The following MAGI2 variants were observed in gnomAD, a reference collection of about 807,000 sequenced individuals.
MAGI2 encodes membrane associated guanylate kinase, WW and PDZ domain containing 2.
MAGI2 carries 35 observed loss-of-function variants against 133.3 expected under a neutral mutation model. The observed-to-expected ratio is 0.26, with a 90% CI of 0.20 to 0.35. MAGI2 has a LOEUF of 0.35. Ranked by LOEUF, MAGI2 falls within the 10% of genes least tolerant of loss-of-function variation. MAGI2 has a pLI of 1.00. For synonymous variants in MAGI2, 729 were observed against 710.6 expected, an observed-to-expected ratio of 1.03 and a Z score of -0.41; for missense variants, 1,636 against 1,863.4, an observed-to-expected ratio of 0.88 and a Z score of 2.25.
At chr7:78,085,548 TCC>T (rs1554441601) in intron 20 of MAGI2, among the ~76,000 whole-genome samples, 2,303 of 69,174 alleles carry the variant, frequency 0.033, 58 homozygotes, top group African/African-American at 0.1. Context: ...ATAATAAAAC[TCC>T]CACACACACA....
chr7:78,681,859 G>C (rs945824018), intron 2 of MAGI2, among the ~76,000 whole-genome samples: 2 of 152,028 alleles, frequency 1.3e-5, no homozygotes, highest in Non-Finnish European at 2.9e-5. Context: ...AAAAACCTAA[G>C]GCATTAATTT....
At chr7:78,740,395 C>A (rs1394668094) in intron 2 of MAGI2, among the ~76,000 whole-genome samples, 2 of 152,122 alleles carry the variant, frequency 1.3e-5, no homozygotes, top group African/African-American at 4.8e-5. Context: ...ATAGTTTAAT[C>A]TTGTTTGCTA....
chr7:78,156,083 C>G (rs947519281), intron 16 of MAGI2, among the ~76,000 whole-genome samples: 1 of 152,150 alleles, frequency 6.6e-6, no homozygotes, highest in Admixed American at 6.5e-5. Context: ...AAAGACATCC[C>G]CTTGAGTCTG....
Position 78,654,703 on chromosome 7 carries a change from GTATATATATATATATATATATATATATA to G in MAGI2, c.419-27492_419-27465del, listed in dbSNP as rs57776940. ...TATTTGTGTGTACTTTTACATATAT[GTATATATATATATATATATATATATATA>G]TATATATATATATATATAGCATATA... On this transcript the variant is annotated intron_variant, in intron 2 of 21. Transcript: ENST00000354212. 4.9e-4 allele frequency among the ~76,000 whole-genome samples: 58 copies of G among 118,450 alleles called. 1 individual carries two copies. Among genetic ancestry groups the G allele is most frequent in the South Asian group, 2.0e-3 (7 of 3,532 alleles). 77.7% of individuals were successfully genotyped at this position (118,450 alleles called of 152,430 possible).
At chr7:78,559,583 T>A (rs1225002663) in intron 3 of MAGI2, among the ~76,000 whole-genome samples, 1 of 152,008 alleles carries the variant, frequency 6.6e-6, no homozygotes, top group Non-Finnish European at 1.5e-5. Flanking sequence ...TGCTCGTGAG[T>A]ATTAAGCTTA....
chr7:79,345,812 T>G (rs1841271293), intron 1 of MAGI2, among the ~76,000 whole-genome samples: 1 of 152,110 alleles, frequency 6.6e-6, no homozygotes, highest in Admixed American at 6.6e-5. Flanking sequence ...ATCTTAAGTG[T>G]ATGCCTGAGT....
intron 6 of MAGI2, among the ~76,000 whole-genome samples, chr7:78,416,407 T>C (rs1274170995): frequency 2.0e-5 from 2 of 99,770 alleles, no homozygotes; most frequent in African/African-American, 4.2e-5. Flanking sequence ...AAAATAAATA[T>C]TGAAACTTAA....
intron 9 of MAGI2, among the ~76,000 whole-genome samples, chr7:78,338,426 G>A (rs2691513): frequency 1.3e-5 from 2 of 151,904 alleles, no homozygotes; most frequent in African/African-American, 4.8e-5. Flanking sequence ...CCAGCAGAAC[G>A]GATTCCCCCT....
At chr7:79,358,572 G>C (rs1024717288) in intron 1 of MAGI2, among the ~76,000 whole-genome samples, 1 of 152,098 alleles carries the variant, frequency 6.6e-6, no homozygotes, top group African/African-American at 2.4e-5. Context: ...CACAGAAAAT[G>C]ACCCAGTCTA....
chr7:79,450,915 A>T (rs1351075661), intron 1 of MAGI2, among the ~76,000 whole-genome samples: 1 of 152,118 alleles, frequency 6.6e-6, no homozygotes, highest in East Asian at 1.9e-4. Context: ...ATCCTTTCAA[A>T]TTTCTCATAG....
intron 10 of MAGI2, among the ~76,000 whole-genome samples, chr7:78,217,457 A>G (rs1363348665): frequency 2.6e-5 from 4 of 152,140 alleles, no homozygotes; most frequent in Admixed American, 6.5e-5. Flanking sequence ...CCAATACTCA[A>G]TTTTTATTTC....
chr7:79,122,843 C>A (rs1415876344), intron 1 of MAGI2, among the ~76,000 whole-genome samples: 4 of 152,070 alleles, frequency 2.6e-5, no homozygotes, highest in African/African-American at 9.7e-5. Context: ...AGGCACCTGC[C>A]ACCATGCCCA....
Position 79,335,105 on chromosome 7 carries a change from TC to T in MAGI2, c.301+117914del, listed in dbSNP as rs1840346275. ...GAACAACATAAATATAAATGTAAAT[TC>T]TAAGAGTCACTTTTACAGTGGGGGG... On this transcript the variant is annotated intron_variant, in intron 1 of 21. Coordinates refer to ENST00000354212, the MANE Select transcript of MAGI2 (RefSeq NM_012301.4). Among the ~76,000 whole-genome samples, 3 of 152,154 alleles carry T rather than the reference TC, an allele frequency of 2.0e-5. No homozygotes were observed. The South Asian group carries it at 6.2e-4, about 31-fold the overall frequency.
chr7:78,218,769 GTA>G (rs1485446855), intron 10 of MAGI2, among the ~76,000 whole-genome samples: 2 of 152,182 alleles, frequency 1.3e-5, no homozygotes, highest in Non-Finnish European at 2.9e-5. Flanking sequence ...AGCTGCATTA[GTA>G]GCGTGGGGCT....
At chr7:79,439,614 C>T (rs890431277) in intron 1 of MAGI2, among the ~76,000 whole-genome samples, 2 of 152,030 alleles carry the variant, frequency 1.3e-5, no homozygotes, top group African/African-American at 2.4e-5. Context: ...AGAATCTGAT[C>T]CTTATTATCA....
chr7:79,453,216 G>T lies in MAGI2; in HGVS notation c.105C>A (p.Gly35=). Residue 35 remains glycine, a synonymous_variant, in exon 1 of 22, where the codon GGC becomes GGA. Transcript: ENST00000354212. ...GGTAGGGGAACTGTCCATTCTCGGC[G>T]CCCCCCTTCAGTTCAAAGCCCAGCT... ...EGQLGFELKG[G]AENGQFPYLG... is the part of the protein sequence containing the mutation. The T allele has an allele frequency of 6.2e-7, 1 of 1,613,864 alleles. No homozygotes were observed. The highest frequency in any genetic ancestry group is 2.2e-5 in the East Asian group (1 of 44,826).
chr7:78,080,888 C>T (rs1307510454), intron 20 of MAGI2, among the ~76,000 whole-genome samples: 2 of 152,212 alleles, frequency 1.3e-5, no homozygotes, highest in African/African-American at 4.8e-5. Context: ...TCCCTGTCCT[C>T]ATATGTATCC....
intron 2 of MAGI2, among the ~76,000 whole-genome samples, chr7:78,684,682 T>C (rs550259318): frequency 6.6e-6 from 1 of 152,104 alleles, no homozygotes; most frequent in African/African-American, 2.4e-5. Context: ...GAAAATAAAA[T>C]GGAAATGTAT....
At chr7:79,179,794 G>C (rs1412837999) in intron 1 of MAGI2, among the ~76,000 whole-genome samples, 1 of 151,964 alleles carries the variant, frequency 6.6e-6, no homozygotes, top group Non-Finnish European at 1.5e-5. Context: ...TTAAAAACTT[G>C]AATGTAAGAT....
Sources: allele counts gnomAD v4.1 joint callset (sites outside exome capture counted in the v4.1 genomes callset), GRCh38; gene constraint gnomAD v4.1.1; transcripts MANE v1.5; gene names NCBI Gene and HGNC (gene_info 2026-07-23, HGNC 2026-07-21).